Variants in EPB41L4A observed in about 807,000 individuals in gnomAD.
EPB41L4A encodes the protein band 4.1-like protein 4A.
Under a neutral mutation model 108.6 loss-of-function variants are expected in EPB41L4A, and 100 were observed. That is an observed-to-expected ratio of 0.92 (90% CI 0.78 to 1.09). The LOEUF is 1.09. Among genes scored for constraint, EPB41L4A ranks in the 50% least tolerant of loss-of-function variants. The pLI, the probability that EPB41L4A is intolerant of heterozygous loss-of-function variation, is 0.00. For missense variants in EPB41L4A, 1,030 were observed against 842.7 expected (o/e 1.22, Z -2.75); for synonymous variants, 319 against 289.0 (o/e 1.10, Z -1.05).
At chr5:112,417,786 A>G (rs1483659980) in intron 1 of EPB41L4A, among the ~76,000 whole-genome samples, 2 of 152,208 alleles carry the variant, frequency 1.3e-5, no homozygotes, top group Admixed American at 6.6e-5. Flanking sequence ...GCTTTAACTG[A>G]TTATTTTTGC....
At chr5:112,315,682 T>C (rs1755386106) in intron 1 of EPB41L4A, among the ~76,000 whole-genome samples, 1 of 152,156 alleles carries the variant, frequency 6.6e-6, no homozygotes, top group Non-Finnish European at 1.5e-5. Context: ...ATATCTTATA[T>C]TTAAAATGGC....
intron 1 of EPB41L4A, among the ~76,000 whole-genome samples, chr5:112,353,012 T>A (rs1758141409): frequency 6.6e-6 from 1 of 152,192 alleles, no homozygotes; most frequent in African/African-American, 2.4e-5. Context: ...TAGTGTTGGT[T>A]AGGTAAGGTA....
intron 4 of EPB41L4A, among the ~76,000 whole-genome samples, chr5:112,268,125 T>G (rs1256608039): frequency 6.6e-6 from 1 of 152,258 alleles, no homozygotes; most frequent in African/African-American, 2.4e-5. Context: ...CTCATGCCTG[T>G]AATCCCAGCA....
intron 12 of EPB41L4A, among the ~76,000 whole-genome samples, chr5:112,152,747 G>GA (rs1374535103): frequency 2.0e-5 from 3 of 151,626 alleles, no homozygotes; most frequent in Non-Finnish European, 2.9e-5. Flanking sequence ...GTAATAGGAG[G>GA]AAAAAAGATA....
At chr5:112,368,539 T>C (rs1759283536) in intron 1 of EPB41L4A, among the ~76,000 whole-genome samples, 1 of 152,196 alleles carries the variant, frequency 6.6e-6, no homozygotes. Context: ...TTTGAGACTC[T>C]TGGTGTTCCA....
intron 9 of EPB41L4A, among the ~76,000 whole-genome samples, chr5:112,253,133 A>G (rs1055183528): frequency 6.6e-6 from 1 of 152,184 alleles, no homozygotes; most frequent in Non-Finnish European, 1.5e-5. Flanking sequence ...ATCTCCCCAC[A>G]GACTACTTAT....
chr5:112,373,080 C>G (rs983156461), intron 1 of EPB41L4A, among the ~76,000 whole-genome samples: 2 of 152,148 alleles, frequency 1.3e-5, no homozygotes, highest in African/African-American at 4.8e-5. Context: ...AAACTCAGGG[C>G]CCAGGAATAC....
intron 9 of EPB41L4A, among the ~76,000 whole-genome samples, chr5:112,251,720 G>A (rs1425579180): frequency 6.6e-6 from 1 of 152,164 alleles, no homozygotes; most frequent in Non-Finnish European, 1.5e-5. Context: ...TTGAAAGCAA[G>A]TTAACCTTCT....
chr5:112,246,227 A>T (rs1750208411), intron 9 of EPB41L4A, among the ~76,000 whole-genome samples: 1 of 152,068 alleles, frequency 6.6e-6, no homozygotes, highest in Non-Finnish European at 1.5e-5. Context: ...GCGTTGTATA[A>T]GGATGTCTTG....
At chr5:112,346,152 CATATGTTGT>C (rs1757649100) in intron 1 of EPB41L4A, among the ~76,000 whole-genome samples, 1 of 148,950 alleles carries the variant, frequency 6.7e-6, no homozygotes, top group South Asian at 2.2e-4. Flanking sequence ...AAGATATAAC[CATATGTTGT>C]AATTCCATGA....
chr5:112,278,254 AT>A (rs199773939), intron 3 of EPB41L4A, among the ~76,000 whole-genome samples: 8,620 of 147,392 alleles, frequency 0.058, 341 homozygotes, highest in East Asian at 0.16. Context: ...CTATACATCA[AT>A]TTTTTTTTTT....
downstream of EPB41L4A, among the ~76,000 whole-genome samples, chr5:112,160,298 ATGACCCT>A (rs1468181791): frequency 6.6e-6 from 1 of 152,088 alleles, no homozygotes; most frequent in Non-Finnish European, 1.5e-5. Context: ...ACCCTATGGC[ATGACCCT>A]CTTTTGCTGC....
downstream of EPB41L4A, among the ~76,000 whole-genome samples, chr5:112,159,894 CTTT>C (rs938556841): frequency 1.4e-5 from 2 of 142,642 alleles, no homozygotes; most frequent in African/African-American, 5.3e-5. Context: ...TGATCTGTTT[CTTT>C]TTACTTTTTT....
chr5:112,349,329 G>A (rs954083471), intron 1 of EPB41L4A, among the ~76,000 whole-genome samples: 1 of 152,144 alleles, frequency 6.6e-6, no homozygotes, highest in African/African-American at 2.4e-5. Flanking sequence ...ATAACCAACT[G>A]GAGAAGTGAA....
chr5:112,340,136 G>A (rs574169280), intron 1 of EPB41L4A, among the ~76,000 whole-genome samples: 2 of 152,270 alleles, frequency 1.3e-5, no homozygotes, highest in South Asian at 4.1e-4. Flanking sequence ...AAAGTGTTAA[G>A]GTCAGAGTCA....
At chr5:112,189,528 T>C (rs994670877) in intron 17 of EPB41L4A, among the ~76,000 whole-genome samples, 1 of 152,208 alleles carries the variant, frequency 6.6e-6, no homozygotes, top group African/African-American at 2.4e-5. Context: ...CTCATGTTTA[T>C]GATGCAAACA....
At chr5:112,193,759 C>T (rs995599766) in intron 17 of EPB41L4A, among the ~76,000 whole-genome samples, 1 of 152,228 alleles carries the variant, frequency 6.6e-6, no homozygotes, top group Non-Finnish European at 1.5e-5. Context: ...GTGCATCGCA[C>T]GATGTTTAGC....
At chr5:112,292,358 C>T (rs973684793) in intron 2 of EPB41L4A, among the ~76,000 whole-genome samples, 19 of 152,112 alleles carry the variant, frequency 1.2e-4, no homozygotes, top group African/African-American at 3.4e-4. Flanking sequence ...AAATATCCTG[C>T]GGCCTCCAAT....
chr5:112,175,373 A>T (rs1017912643), intron 18 of EPB41L4A: 1 of 152,198 alleles, frequency 6.6e-6, no homozygotes, highest in Non-Finnish European at 1.5e-5. Flanking sequence ...TGTACTTCCC[A>T]ATGTTTTAAC....
Sources: allele counts gnomAD v4.1 joint callset (sites outside exome capture counted in the v4.1 genomes callset), GRCh38; gene constraint gnomAD v4.1.1; transcripts MANE v1.5; gene names NCBI Gene and HGNC (gene_info 2026-07-23, HGNC 2026-07-21).